Variants in ARNT2 observed in about 807,000 individuals in gnomAD.
ARNT2 encodes aryl hydrocarbon receptor nuclear translocator 2, also known as ARNT protein 2.
A neutral mutation model predicts 91.7 loss-of-function variants in ARNT2; 36 were observed. The observed-to-expected ratio is 0.39, with a 90% CI of 0.30 to 0.52. The LOEUF (loss-of-function observed/expected upper bound fraction) is 0.52, where lower values mean the gene tolerates loss of function less well. Among genes scored for constraint, ARNT2 ranks in the 20% least tolerant of loss-of-function variants. ARNT2 has a pLI of 0.72. For missense variants in ARNT2, 775 were observed against 939.3 expected, an observed-to-expected ratio of 0.83 and a Z score of 2.29; for synonymous variants, 365 against 347.1, an observed-to-expected ratio of 1.05 and a Z score of -0.57.
At chr15:80,522,824 A>G (rs977607270) in intron 8 of ARNT2, among the ~76,000 whole-genome samples, 11 of 145,122 alleles carry the variant, frequency 7.6e-5, no homozygotes, top group South Asian at 2.1e-4. Context: ...GTGTGTGTAT[A>G]TATATATATA....
In ARNT2 at chr15:80,410,467, G is replaced by A. The variant is rs549013052; in HGVS notation, c.31+5921G>A. Reference sequence around the variant, plus strand: ...GACAGCTGAGTTGAGCTGCTTGTGCGACAAGCAAGTGGAACTGTCATGGAG... The same window carrying A: ...GACAGCTGAGTTGAGCTGCTTGTGCAACAAGCAAGTGGAACTGTCATGGAG... On this transcript the variant is annotated intron_variant, in intron 1 of 18. Transcript: ENST00000303329. Among the ~76,000 whole-genome samples, 26 of 152,274 alleles carry A rather than the reference G, an allele frequency of 1.7e-4. 1 individual carries two copies. The highest frequency in any genetic ancestry group is 6.2e-4 in the South Asian group (3 of 4,826).
chr15:80,471,579 T>C (rs1896732002), intron 4 of ARNT2, among the ~76,000 whole-genome samples: 1 of 152,166 alleles, frequency 6.6e-6, no homozygotes, highest in Admixed American at 6.5e-5. Context: ...GTGATAATAG[T>C]AGCCGCGATC....
In ARNT2 at chr15:80,574,239, C is replaced by T; in HGVS notation, c.1389+19C>T. On this transcript the variant is annotated intron_variant, in intron 13 of 18. Transcript: ENST00000303329. ...ATCCCAGGTGAGTTTCTGGAAAACC[C>T]TTTCCCTGTTGGAATTGTCTCCAGC... is the stretch of plus-strand genomic sequence containing the variant. The T allele has an allele frequency of 1.2e-6, 2 of 1,611,796 alleles. No homozygotes were observed. The highest frequency in any genetic ancestry group is 1.7e-6 in the Non-Finnish European group (2 of 1,177,840).
rs143722183 is a variant in ARNT2 at position 80,493,009 on chromosome 15, T to G, written c.623-15147T>G. Among the ~76,000 whole-genome samples, 863 of 152,350 alleles carry G rather than the reference T, an allele frequency of 5.7e-3. 12 individuals carry two copies. Among genetic ancestry groups the G allele is most frequent in the African/African-American group, 0.019 (797 of 41,584 alleles). On this transcript the variant is annotated intron_variant, in intron 5 of 18. Transcript: ENST00000303329. ...TGATTAATTTATAATGAACAGAAAC[T>G]TATTTGGCTTACAGTTCTGGAAACT...
intron 8 of ARNT2, among the ~76,000 whole-genome samples, chr15:80,530,798 GTAC>G (rs936629962): frequency 1.1e-4 from 16 of 152,110 alleles, no homozygotes; most frequent in Non-Finnish European, 7.4e-5. Context: ...CTACTGATAA[GTAC>G]TCCCCAAAAT....
chr15:80,424,882 A>C (rs1895911440), intron 1 of ARNT2, among the ~76,000 whole-genome samples: 1 of 152,180 alleles, frequency 6.6e-6, no homozygotes, highest in African/African-American at 2.4e-5. Flanking sequence ...AAGACAGTAA[A>C]GTGGGGCTGC....
intron 1 of ARNT2, chr15:80,433,907 C>G (rs2141571524): frequency 6.6e-6 from 1 of 152,334 alleles, no homozygotes; most frequent in Admixed American, 6.5e-5. Context: ...AGTGGGGAAA[C>G]TCAGCAAGGC....
At chr15:80,447,817 T>C (rs1171013289) in intron 1 of ARNT2, among the ~76,000 whole-genome samples, 3 of 152,252 alleles carry the variant, frequency 2.0e-5, no homozygotes, top group Non-Finnish European at 2.9e-5. Flanking sequence ...TTAAAGTCAA[T>C]GTTAGTCTCA....
intron 9 of ARNT2, 93 bp downstream of exon 9, chr15:80,551,368 C>T: frequency 8.4e-7 from 1 of 1,195,168 alleles, no homozygotes; most frequent in Non-Finnish European, 1.2e-6. Flanking sequence ...ATTCTGATCA[C>T]CTGTGTTCTT....
intron 12 of ARNT2, 145 bp from the exon 13 acceptor site, chr15:80,574,003 A>G (rs1207836584): frequency 1.5e-6 from 1 of 646,470 alleles, no homozygotes; most frequent in Non-Finnish European, 2.7e-6. Context: ...GGGCATTAAA[A>G]ATAAAATGAT....
At chr15:80,519,023 A>G (rs1376405875) in intron 8 of ARNT2, among the ~76,000 whole-genome samples, 1 of 152,154 alleles carries the variant, frequency 6.6e-6, no homozygotes, top group East Asian at 1.9e-4. Flanking sequence ...TGTACATTTT[A>G]AAACACATTA....
chr15:80,521,808 C>T (rs983845400), intron 8 of ARNT2, among the ~76,000 whole-genome samples: 5 of 152,042 alleles, frequency 3.3e-5, no homozygotes, highest in Admixed American at 6.6e-5. Flanking sequence ...TCATTGCCTC[C>T]GCTGGGTAAT....
intron 3 of ARNT2, among the ~76,000 whole-genome samples, chr15:80,468,443 C>G (rs1896689034): frequency 6.6e-6 from 1 of 152,116 alleles, no homozygotes; most frequent in African/African-American, 2.4e-5. Context: ...ACTCCAGGGC[C>G]CATCTCTACC....
At chr15:80,556,024 G>A (rs533162995) in intron 11 of ARNT2, 1 of 151,758 alleles carries the variant, frequency 6.6e-6, no homozygotes, top group Admixed American at 6.6e-5. Flanking sequence ...GGTGCCTCAC[G>A]CCTGTAATCC....
At chr15:80,514,918 A>G (rs994852610) in intron 8 of ARNT2, among the ~76,000 whole-genome samples, 1 of 152,120 alleles carries the variant, frequency 6.6e-6, no homozygotes, top group African/African-American at 2.4e-5. Flanking sequence ...AAAACAAAAA[A>G]ACCCACAACT....
In ARNT2 at chr15:80,404,615, G is replaced by A; in HGVS notation, c.31+69G>A. 2 of 985,808 alleles carry A rather than the reference G, an allele frequency of 2.0e-6. No homozygotes were observed. The highest frequency in any genetic ancestry group is 2.4e-6 in the Non-Finnish European group (2 of 823,500). 61.1% of individuals were successfully genotyped at this position (985,808 alleles called of 1,614,324 possible). ...CCTTGCCCGGGGCCGGAGCGGACCA[G>A]GCGCGCCGGGCGCCCCCGGGGGCGC... On this transcript the variant is annotated intron_variant, in intron 1 of 18. Transcript: ENST00000303329. This position sits in a 1 kb window ranked among gnomAD's most constrained non-coding sequence, Gnocchi z 5.5.
At chr15:80,440,785 C>T (rs1896177299) in intron 1 of ARNT2, among the ~76,000 whole-genome samples, 1 of 152,226 alleles carries the variant, frequency 6.6e-6, no homozygotes, top group African/African-American at 2.4e-5. Context: ...CAGTGGCCAT[C>T]CTCTTCTCTA....
intron 8 of ARNT2, among the ~76,000 whole-genome samples, chr15:80,519,478 A>G (rs180734586): frequency 2.0e-5 from 3 of 152,272 alleles, no homozygotes; most frequent in Non-Finnish European, 4.4e-5. Flanking sequence ...CAGATAACAT[A>G]AACAGTAGAG....
At chr15:80,546,887 C>T (rs1421309735) in intron 8 of ARNT2, among the ~76,000 whole-genome samples, 2 of 151,378 alleles carry the variant, frequency 1.3e-5, no homozygotes, top group African/African-American at 4.8e-5. Flanking sequence ...CGCTTGAACT[C>T]GGGAGGTGGA....
Sources: gnomAD v4.1 joint callset for allele counts (sites outside exome capture counted in the v4.1 genomes callset) on GRCh38, gnomAD v4.1.1 for gene constraint, Gnocchi (gnomAD v3.1) non-coding constraint, MANE v1.5 for transcripts, NCBI Gene and HGNC (gene_info 2026-07-23, HGNC 2026-07-21) for gene names.